NUS1: variants seen among roughly 807,000 people sequenced by gnomAD.
The protein encoded by NUS1 is NUS1 dehydrodolichyl diphosphate synthase subunit, also known as dehydrodolichyl diphosphate synthase complex subunit NUS1.
For synonymous variants in NUS1, 135 were observed against 155.2 expected, an observed-to-expected ratio of 0.87 and a Z score of 0.97; for missense variants, 292 against 382.9, an observed-to-expected ratio of 0.76 and a Z score of 1.98.
At chr6:117,676,402 A>G (rs1021553473) in intron 1 of NUS1, among the ~76,000 whole-genome samples, 1 of 152,140 alleles carries the variant, frequency 6.6e-6, no homozygotes, top group Non-Finnish European at 1.5e-5. Flanking sequence ...AACATGGAGA[A>G]ACCCCGTTTC....
chr6:117,686,586 C>G (rs1773143443), intron 1 of NUS1, among the ~76,000 whole-genome samples: 1 of 152,068 alleles, frequency 6.6e-6, no homozygotes, highest in Non-Finnish European at 1.5e-5. Flanking sequence ...ATACTGTTTT[C>G]TTAAAAATTT....
Position 117,675,510 on chromosome 6 carries a change from C to T in NUS1, c.-161C>T, listed in dbSNP as rs893272460. ...GGCTGCCAAGGGAGGAGGAAGATGGCGGCGGGGGCGAGGTGAGGTGTTGGC... is the reference window on the plus strand; with the variant it reads ...GGCTGCCAAGGGAGGAGGAAGATGGTGGCGGGGGCGAGGTGAGGTGTTGGC... On this transcript the variant is annotated 5_prime_UTR_variant, in exon 1 of 5. Coordinates refer to ENST00000368494, the MANE Select transcript of NUS1 (RefSeq NM_138459.5). 15 of 661,200 alleles carry T rather than the reference C, an allele frequency of 2.3e-5. No individual in the cohort carries two copies. The highest frequency in any genetic ancestry group is 3.3e-5 in the Non-Finnish European group (13 of 398,916). 41.0% of individuals were successfully genotyped at this position (661,200 alleles called of 1,614,324 possible). A position where few individuals can be genotyped will look rare whatever the true frequency, so the allele number is the denominator to read the frequency against.
Position 117,706,937 on chromosome 6 carries a change from C to G in NUS1, c.804C>G (p.Ser268=). 2 of 1,612,474 alleles carry G rather than the reference C, an allele frequency of 1.2e-6. No individual in the cohort carries two copies. Among genetic ancestry groups the G allele is most frequent in the Non-Finnish European group, 1.7e-6 (2 of 1,178,818 alleles). The change falls in exon 5 of 5, where the codon TCC becomes TCG. Residue 268 remains serine, a synonymous_variant. Transcript: ENST00000368494. ...IRLTEIVSLP[S]HLNISYEDFF... ...GTTTTCTTTTCAGCTCTTTGCCTTC[C>G]CACCTAAACATCAGTTATGAGGACT...
chr6:117,677,143 C>G (rs1257812153), intron 1 of NUS1, among the ~76,000 whole-genome samples: 1 of 152,120 alleles, frequency 6.6e-6, no homozygotes, highest in Non-Finnish European at 1.5e-5. Context: ...AGCTACAAAC[C>G]TAAAGCACTG....
intron 1 of NUS1, among the ~76,000 whole-genome samples, chr6:117,691,427 T>A (rs192388504): frequency 1.3e-5 from 2 of 151,888 alleles, no homozygotes; most frequent in East Asian, 3.9e-4. Context: ...CCTTCAGAGT[T>A]CATCTCAGCT....
intron 1 of NUS1, among the ~76,000 whole-genome samples, chr6:117,686,215 G>A (rs549283841): frequency 5.9e-5 from 9 of 151,612 alleles, no homozygotes; most frequent in African/African-American, 1.7e-4. Flanking sequence ...AGCCGAGATC[G>A]CGCCACTGCA....
Position 117,675,887 on chromosome 6 carries a change from C to T in NUS1, c.217C>T (p.Arg73Cys), listed in dbSNP as rs1015332672. Residue 73 changes from arginine (R) to cysteine (C), a missense_variant, in exon 1 of 5, where the codon CGC becomes TGC. Physicochemically the swap from Arg to Cys is radical, Grantham distance 180. Transcript: ENST00000368494. ...GAACCGCCGTCACCACCGGCACCCGCGCGGGGGGTCGTGCCTGGCAGCCGC... is the reference window on the plus strand; with the variant it reads ...GAACCGCCGTCACCACCGGCACCCGTGCGGGGGGTCGTGCCTGGCAGCCGC... Reference protein sequence around the residue: ...GRNRRHHRHPRGGSCLAAAHH... With the variant: ...GRNRRHHRHPCGGSCLAAAHH... 8 of 1,534,892 alleles carry T rather than the reference C, an allele frequency of 5.2e-6. No individual in the cohort carries two copies. The highest frequency in any genetic ancestry group is 1.4e-5 in the African/African-American group (1 of 72,598).
In NUS1 at chr6:117,708,537, A is replaced by T. The variant is rs1290716879; in HGVS notation, c.*1522A>T. Reference sequence around the variant, plus strand: ...AAATGTTTCAACTTTGGATTATGAAACCCCATTTATGATTTTTTAAATACA... The same window carrying T: ...AAATGTTTCAACTTTGGATTATGAATCCCCATTTATGATTTTTTAAATACA... On this transcript the variant is annotated 3_prime_UTR_variant, in exon 5 of 5. Transcript: ENST00000368494. The T allele has an allele frequency of 2.0e-5, 3 of 152,084 alleles. No individual in the cohort carries two copies. The highest frequency in any genetic ancestry group is 4.4e-5 in the Non-Finnish European group (3 of 67,818). The allele number at this position is 152,084 out of a possible 1,614,324, so 9.4% of individuals were successfully genotyped here. A position where few individuals can be genotyped will look rare whatever the true frequency, so the allele number is the denominator to read the frequency against.
At position 117,707,064 on chromosome 6, in the gene NUS1, C is replaced by A; in HGVS notation, c.*49C>A. On this transcript the variant is annotated 3_prime_UTR_variant, in exon 5 of 5. Transcript: ENST00000368494. ...TTTGAGGCTTGTGGAGGAAAGGAAC[C>A]AAGTGACTCTGATGTTTACAAAGCA... 1 of 1,489,708 alleles carries A rather than the reference C, an allele frequency of 6.7e-7. No homozygotes were observed. The highest frequency in any genetic ancestry group is 9.4e-7 in the Non-Finnish European group (1 of 1,068,870). 92.3% of individuals were successfully genotyped at this position (1,489,708 alleles called of 1,614,324 possible). A position where few individuals can be genotyped will look rare whatever the true frequency, so the allele number is the denominator to read the frequency against.
intron 4 of NUS1, 102 bp downstream of exon 4, chr6:117,703,806 C>T: frequency 1.2e-6 from 1 of 816,930 alleles, no homozygotes; most frequent in Non-Finnish European, 2.1e-6. Context: ...AATTATAATA[C>T]TGGATCCTTT....
At chr6:117,677,185 A>G (rs1300559994) in intron 1 of NUS1, among the ~76,000 whole-genome samples, 1 of 152,158 alleles carries the variant, frequency 6.6e-6, no homozygotes, top group Non-Finnish European at 1.5e-5. Flanking sequence ...TCTTGCATTT[A>G]ATTCCATGGA....
Position 117,709,578 on chromosome 6 carries a change from A to G in NUS1, c.*2563A>G, listed in dbSNP as rs1034933135. On this transcript the variant is annotated 3_prime_UTR_variant, in exon 5 of 5. Transcript: ENST00000368494. ...ATGAACAGTGCCAAATACACTGTGC[A>G]TATCTGCAATTTAATCTTTGAATGT... The G allele has an allele frequency of 2.0e-5, 3 of 150,670 alleles. No individual in the cohort carries two copies. Among genetic ancestry groups the G allele is most frequent in the African/African-American group, 7.4e-5 (3 of 40,772 alleles). 9.3% of individuals were successfully genotyped at this position (150,670 alleles called of 1,614,324 possible). A position where few individuals can be genotyped will look rare whatever the true frequency, so the allele number is the denominator to read the frequency against.
intron 1 of NUS1, among the ~76,000 whole-genome samples, chr6:117,686,289 C>T (rs1283440899): frequency 6.6e-6 from 1 of 150,472 alleles, no homozygotes; most frequent in Admixed American, 6.6e-5. Flanking sequence ...CTAGTTTTTT[C>T]GAAAAATACT....
chr6:117,677,257 G>C (rs978564753), intron 1 of NUS1, among the ~76,000 whole-genome samples: 1 of 152,216 alleles, frequency 6.6e-6, no homozygotes, highest in Admixed American at 6.5e-5. Context: ...ATAACAAGAA[G>C]TGTTGAGAGT....
At position 117,675,518 on chromosome 6, in the gene NUS1, G is replaced by C. The variant is rs1039266078; in HGVS notation, c.-153G>C. ...AGGGAGGAGGAAGATGGCGGCGGGG[G>C]CGAGGTGAGGTGTTGGCAGTGGAAA... On this transcript the variant is annotated 5_prime_UTR_variant, in exon 1 of 5. Coordinates refer to ENST00000368494, the MANE Select transcript of NUS1 (RefSeq NM_138459.5). The C allele has an allele frequency of 9.1e-5, 64 of 702,410 alleles. No individual in the cohort carries two copies. The highest frequency in any genetic ancestry group is 1.4e-4 in the Non-Finnish European group (59 of 426,892). The allele number at this position is 702,410 out of a possible 1,614,324, so 43.5% of individuals were successfully genotyped here.
chr6:117,688,447 G>A (rs1322482035), intron 1 of NUS1, among the ~76,000 whole-genome samples: 1 of 86,992 alleles, frequency 1.1e-5, no homozygotes, highest in Non-Finnish European at 3.1e-5. Flanking sequence ...CAAGAAGGAG[G>A]ACTTTTTTTT....
chr6:117,680,973 T>G (rs1171420975), intron 1 of NUS1, among the ~76,000 whole-genome samples: 2 of 152,236 alleles, frequency 1.3e-5, no homozygotes, highest in Admixed American at 6.5e-5. Flanking sequence ...GTATCCTATC[T>G]TTTCAACCTG....
chr6:117,689,542 T>A (rs1388726338), intron 1 of NUS1, among the ~76,000 whole-genome samples: 5 of 151,856 alleles, frequency 3.3e-5, no homozygotes, highest in African/African-American at 1.2e-4. Flanking sequence ...ATTTTACATT[T>A]TTTTTTGTTT....
intron 1 of NUS1, among the ~76,000 whole-genome samples, chr6:117,686,184 C>A (rs1329313083): frequency 6.6e-6 from 1 of 151,566 alleles, no homozygotes; most frequent in Non-Finnish European, 1.5e-5. Flanking sequence ...TGGCGTGAAC[C>A]CAGGAGAAGA....
Sources: gnomAD v4.1 joint callset for allele counts (sites outside exome capture counted in the v4.1 genomes callset) on GRCh38, gnomAD v4.1.1 for gene constraint, MANE v1.5 for transcripts, NCBI Gene and HGNC (gene_info 2026-07-23, HGNC 2026-07-21) for gene names.